TMEM266: variants seen among roughly 807,000 people sequenced by gnomAD.
TMEM266 encodes Hv1 related protein 1.
Under a neutral mutation model 50.5 loss-of-function variants are expected in TMEM266, and 33 were observed. The ratio of observed to expected loss-of-function variants is 0.65; its 90% confidence interval spans 0.50 to 0.87. The LOEUF (loss-of-function observed/expected upper bound fraction) is 0.87, where lower values mean the gene tolerates loss of function less well. TMEM266 is among the 40% of genes least tolerant of loss of function. The pLI, the probability that TMEM266 is intolerant of heterozygous loss-of-function variation, is 0.00. For missense variants in TMEM266, 655 were observed against 695.1 expected, an observed-to-expected ratio of 0.94 and a Z score of 0.65; for synonymous variants, 310 against 292.3, an observed-to-expected ratio of 1.06 and a Z score of -0.62.
intron 9 of TMEM266, among the ~76,000 whole-genome samples, chr15:76,198,393 C>T (rs1360265078): frequency 6.6e-6 from 1 of 152,166 alleles, no homozygotes; most frequent in African/African-American, 2.4e-5. Context: ...GGGGCAGGGG[C>T]TTATTCTTAG....
At chr15:76,194,063 A>G (rs1461744166) in intron 9 of TMEM266, among the ~76,000 whole-genome samples, 2 of 152,132 alleles carry the variant, frequency 1.3e-5, no homozygotes, top group Non-Finnish European at 2.9e-5. Context: ...TGCAGCCAGT[A>G]GGCTCCTGAG....
Position 76,160,233 on chromosome 15 carries a change from G to T in TMEM266, c.456+65G>T. 1 of 1,491,940 alleles carries T rather than the reference G, an allele frequency of 6.7e-7. No individual in the cohort carries two copies. Among genetic ancestry groups the T allele is most frequent in the Non-Finnish European group, 9.3e-7 (1 of 1,072,320 alleles). The allele number at this position is 1,491,940 out of a possible 1,614,324, so 92.4% of individuals were successfully genotyped here. ...TGACTCCTGTCCTGGGGAAACCAAG[G>T]TCTACTTCTCGAAATGGTTTCTAGC... On this transcript the variant is annotated intron_variant, in intron 5 of 10. Coordinates refer to ENST00000388942, the MANE Select transcript of TMEM266 (RefSeq NM_152335.3). This position sits in a 1 kb window ranked among gnomAD's most constrained non-coding sequence, Gnocchi z 5.7.
intron 3 of TMEM266, among the ~76,000 whole-genome samples, chr15:76,152,035 C>T (rs775568195): frequency 2.9e-4 from 44 of 152,176 alleles, no homozygotes; most frequent in Non-Finnish European, 5.9e-5. Context: ...CTCTAGTGTG[C>T]AGCTGGGCTG....
intron 7 of TMEM266, among the ~76,000 whole-genome samples, chr15:76,172,371 G>A (rs923124883): frequency 6.6e-6 from 1 of 152,198 alleles, no homozygotes; most frequent in South Asian, 2.1e-4. Context: ...AAACCACTGG[G>A]ATAGATGCTA....
At chr15:76,081,278 T>G (rs922935230) in intron 1 of TMEM266, among the ~76,000 whole-genome samples, 1 of 152,230 alleles carries the variant, frequency 6.6e-6, no homozygotes, top group African/African-American at 2.4e-5. Flanking sequence ...TAACCTGTGA[T>G]GCACTCTGGT....
chr15:76,178,208 T>A (rs2038326643), intron 8 of TMEM266, among the ~76,000 whole-genome samples: 1 of 151,904 alleles, frequency 6.6e-6, no homozygotes, highest in Non-Finnish European at 1.5e-5. Context: ...ATGTGAGTTG[T>A]TGATGGAGCC....
intron 1 of TMEM266, among the ~76,000 whole-genome samples, chr15:76,096,819 GT>G (rs2036927563): frequency 6.6e-6 from 1 of 151,950 alleles, no homozygotes; most frequent in Admixed American, 6.5e-5. Flanking sequence ...ATTTTGGATA[GT>G]TAGCTCTTCT....
intron 9 of TMEM266, among the ~76,000 whole-genome samples, chr15:76,201,298 C>G (rs1044317417): frequency 6.6e-6 from 1 of 152,168 alleles, no homozygotes. Flanking sequence ...TTGGGGTCTT[C>G]CAGCACCTGG....
intron 1 of TMEM266, among the ~76,000 whole-genome samples, chr15:76,078,144 G>A (rs1002410616): frequency 6.6e-6 from 1 of 152,000 alleles, no homozygotes; most frequent in Non-Finnish European, 1.5e-5. Context: ...ACTCTGTCAG[G>A]CCTGAACTTT....
chr15:76,152,961 A>G (rs2037867379), intron 3 of TMEM266, among the ~76,000 whole-genome samples: 1 of 152,106 alleles, frequency 6.6e-6, no homozygotes, highest in Admixed American at 6.6e-5. Context: ...CCTGCCTGGC[A>G]TTCGAATCCT....
At chr15:76,180,645 ACT>A (rs1243074788) in intron 8 of TMEM266, among the ~76,000 whole-genome samples, 2 of 108,580 alleles carry the variant, frequency 1.8e-5, no homozygotes, top group Non-Finnish European at 3.4e-5. Context: ...ACAGAGTCTC[ACT>A]CTGTCACCCA....
chr15:76,201,697 C>T (rs1452774896), intron 9 of TMEM266, among the ~76,000 whole-genome samples: 2 of 152,136 alleles, frequency 1.3e-5, no homozygotes, highest in Non-Finnish European at 2.9e-5. Context: ...AGGTCTGTTC[C>T]TATACTGCAT....
At chr15:76,164,640 C>T (rs1326816031) in intron 5 of TMEM266, among the ~76,000 whole-genome samples, 1 of 152,152 alleles carries the variant, frequency 6.6e-6, no homozygotes, top group African/African-American at 2.4e-5. Flanking sequence ...GTAGTTTAAC[C>T]CCAGGGAAAA....
chr15:76,194,099 C>G (rs1040172068), intron 9 of TMEM266, among the ~76,000 whole-genome samples: 6 of 152,196 alleles, frequency 3.9e-5, no homozygotes, highest in African/African-American at 1.4e-4. Flanking sequence ...TGGCTGAGCT[C>G]ATAGCTGACC....
At chr15:76,165,297 C>A (rs11856680) in intron 5 of TMEM266, among the ~76,000 whole-genome samples, 1 of 152,138 alleles carries the variant, frequency 6.6e-6, no homozygotes, top group Non-Finnish European at 1.5e-5. Context: ...GCACCTGAGG[C>A]GGAAGGCAAG....
intron 1 of TMEM266, among the ~76,000 whole-genome samples, chr15:76,080,471 G>A (rs971904893): frequency 6.6e-5 from 10 of 150,616 alleles, no homozygotes; most frequent in South Asian, 2.1e-4. Flanking sequence ...AGGTGGTCTC[G>A]AACTCCCGAC....
intron 8 of TMEM266, chr15:76,175,918 C>G (rs540865390): frequency 5.1e-6 from 2 of 394,682 alleles, no homozygotes; most frequent in Non-Finnish European, 9.3e-6. Context: ...CACTGTAGCA[C>G]GGTGACTCTT....
chr15:76,065,063 C>A (rs1372979301), intron 1 of TMEM266, among the ~76,000 whole-genome samples: 1 of 152,242 alleles, frequency 6.6e-6, no homozygotes, highest in Non-Finnish European at 1.5e-5. Flanking sequence ...AAAACAATTT[C>A]TATGACAGTT....
chr15:76,163,749 T>G (rs1382887973), intron 5 of TMEM266, among the ~76,000 whole-genome samples: 2 of 151,614 alleles, frequency 1.3e-5, no homozygotes, highest in African/African-American at 4.9e-5. Context: ...ATCCCTGGGG[T>G]CTGGAAAGGC....
Sources: allele counts gnomAD v4.1 joint callset (sites outside exome capture counted in the v4.1 genomes callset), GRCh38; gene constraint gnomAD v4.1.1; non-coding constraint Gnocchi (gnomAD v3.1); transcripts MANE v1.5; gene names NCBI Gene and HGNC (gene_info 2026-07-23, HGNC 2026-07-21).